ABCA12: variants seen among roughly 807,000 people sequenced by gnomAD.
The protein encoded by ABCA12 is glucosylceramide transporter ABCA12.
ABCA12 carries 156 observed loss-of-function variants against 293.5 expected under a neutral mutation model. The observed-to-expected ratio is 0.53, with a 90% CI of 0.47 to 0.61. The LOEUF (loss-of-function observed/expected upper bound fraction) is 0.61. ABCA12 is among the 20% of genes least tolerant of loss of function. ABCA12 has a pLI of 0.00. For missense variants in ABCA12, 2,797 were observed against 3,090.2 expected (o/e 0.91, Z 2.25); for synonymous variants, 1,063 against 1,108.0 (o/e 0.96, Z 0.81).
At chr2:214,965,153 G>A (rs1699222849) in intron 39 of ABCA12, among the ~76,000 whole-genome samples, 1 of 152,098 alleles carries the variant, frequency 6.6e-6, no homozygotes, top group Non-Finnish European at 1.5e-5. Flanking sequence ...AATAAATGAT[G>A]CTGGGAGAAC....
chr2:215,037,951 T>C (rs1247974651), intron 7 of ABCA12, among the ~76,000 whole-genome samples: 2 of 152,192 alleles, frequency 1.3e-5, no homozygotes, highest in Admixed American at 6.5e-5. Flanking sequence ...TAGCTAATAG[T>C]AATTTTTCCC....
At chr2:214,959,135 T>C in intron 39 of ABCA12, 57 bp from the exon 40 acceptor site, 2 of 1,356,990 alleles carry the variant, frequency 1.5e-6, no homozygotes, top group Non-Finnish European at 2.1e-6. Context: ...GAAATACCAA[T>C]TTTTAGATGA....
intron 32 of ABCA12, 31 bp downstream of exon 32, chr2:214,978,773 T>C: frequency 6.2e-7 from 1 of 1,603,248 alleles, no homozygotes; most frequent in Non-Finnish European, 8.5e-7. Flanking sequence ...TTATATCAGC[T>C]TGAAGAAAAA....
At chr2:214,999,793 T>G (rs758340970) in intron 22 of ABCA12, 2 of 984,666 alleles carry the variant, frequency 2.0e-6, no homozygotes, top group Non-Finnish European at 2.4e-6. Context: ...CTTACCTGCT[T>G]CCTCATGCTA....
At chr2:214,968,670 A>G (rs983715064) in intron 38 of ABCA12, 50 bp downstream of exon 38, 1 of 1,545,550 alleles carries the variant, frequency 6.5e-7, no homozygotes, top group African/African-American at 1.4e-5. Flanking sequence ...AAACATATCA[A>G]TTTCACCTTC....
At chr2:215,057,797 C>T (rs1293304129) in intron 3 of ABCA12, among the ~76,000 whole-genome samples, 1 of 152,000 alleles carries the variant, frequency 6.6e-6, no homozygotes, top group Non-Finnish European at 1.5e-5. Context: ...TTTTAAATGG[C>T]TGTGGCCTGC....
At chr2:215,079,696 C>T (rs1050400302) in intron 2 of ABCA12, among the ~76,000 whole-genome samples, 1 of 134,040 alleles carries the variant, frequency 7.5e-6, no homozygotes, top group African/African-American at 2.5e-5. Context: ...TTCACAGATT[C>T]CCCCTGGGCA....
intron 2 of ABCA12, among the ~76,000 whole-genome samples, chr2:215,103,494 T>C (rs1204609056): frequency 1.3e-5 from 2 of 152,044 alleles, no homozygotes; most frequent in Admixed American, 6.5e-5. Flanking sequence ...GGTCTCGAAC[T>C]CCTGACCTCA....
chr2:215,019,450 T>C lies in ABCA12; in HGVS notation c.1545-2A>G. 1.2e-6 allele frequency: 2 copies of C among 1,613,788 alleles called. No homozygotes were observed. The highest frequency in any genetic ancestry group is 1.7e-6 in the Non-Finnish European group (2 of 1,179,672). ...ATTTGCAGTGCCTGTTCTAGAAACCTGGAACAAAACAGAAAAGAAGAAATT... is the reference window on the plus strand; with the variant it reads ...ATTTGCAGTGCCTGTTCTAGAAACCCGGAACAAAACAGAAAAGAAGAAATT... On this transcript the variant is annotated splice_acceptor_variant, in intron 12 of 52. Coordinates refer to ENST00000272895, the MANE Select transcript of ABCA12 (RefSeq NM_173076.3). LOFTEE classifies it high-confidence loss of function.
At chr2:214,978,029 G>A (rs917966239) in intron 33 of ABCA12, among the ~76,000 whole-genome samples, 3 of 152,048 alleles carry the variant, frequency 2.0e-5, no homozygotes, top group African/African-American at 4.8e-5. Context: ...AACTGAAATT[G>A]TAGAAGTTAC....
At chr2:214,933,839 A>ATAAC (rs1372489769) in intron 52 of ABCA12, among the ~76,000 whole-genome samples, 1 of 152,192 alleles carries the variant, frequency 6.6e-6, no homozygotes, top group Non-Finnish European at 1.5e-5. Flanking sequence ...ATGTATACAT[A>ATAAC]TAACTTTATG....
Position 214,953,780 on chromosome 2 carries a change from T to G in ABCA12, c.6647+74A>C, listed in dbSNP as rs1334880487. The stretch of plus-strand genomic sequence containing the variant: ...ATATTACCAATGGAAAAGCTTAGAC[T>G]ATTGACTTCTTTCTCAATAGGTTGA... On this transcript the variant is annotated intron_variant, in intron 44 of 52. Transcript: ENST00000272895. 4 of 1,562,226 alleles carry G rather than the reference T, an allele frequency of 2.6e-6. No individual in the cohort carries two copies. In the African/African-American group the frequency reaches 4.1e-5, roughly 16 times the overall value.
At chr2:214,948,932 C>A in intron 46 of ABCA12, 108 bp downstream of exon 46, 2 of 1,190,682 alleles carry the variant, frequency 1.7e-6, no homozygotes, top group South Asian at 1.3e-5. Flanking sequence ...TTGTTCTCCC[C>A]TAAGGACTGA....
intron 39 of ABCA12, 118 bp from the exon 40 acceptor site, chr2:214,959,196 G>T: frequency 2.2e-6 from 2 of 916,944 alleles, no homozygotes; most frequent in African/African-American, 1.7e-5. Context: ...AATTTTATTT[G>T]GGGGACCTTT....
Position 214,983,825 on chromosome 2 carries a change from T to C in ABCA12, c.4204A>G (p.Ile1402Val). 1.2e-6 allele frequency: 2 copies of C among 1,614,096 alleles called. No individual in the cohort carries two copies. Among genetic ancestry groups the C allele is most frequent in the Non-Finnish European group, 1.7e-6 (2 of 1,180,006 alleles). The change falls in exon 29 of 53, where the codon ATT (isoleucine) becomes GTT (valine). Residue 1402 changes from isoleucine to valine, a missense_variant. Around this residue, in one of 3 missense-constraint regions of ABCA12, gnomAD observed 2,130 missense variants for 2,427.0 expected, o/e 0.88. Coordinates refer to ENST00000272895, the MANE Select transcript of ABCA12 (RefSeq NM_173076.3). ...TTGATATCTTTTCCATATACAAAAA[T>C]GGTGCCTGCTGAGGCCCCAAACAGC... Reference protein sequence around the residue: ...TGLFGASAGTIFVYGKDIKTD... With the variant: ...TGLFGASAGTVFVYGKDIKTD...
chr2:215,037,179 G>A (rs1701011980), intron 7 of ABCA12, 114 bp from the exon 8 acceptor site: 6 of 788,546 alleles, frequency 7.6e-6, no homozygotes, highest in Non-Finnish European at 1.3e-5. Context: ...TAATATAAAA[G>A]ACAAGATGCT....
Position 215,019,357 on chromosome 2 carries a change from C to T in ABCA12, c.1636G>A (p.Ala546Thr). ...IEAMLHVNNS[A>T]DASEKPGQLL... is the part of the protein sequence containing the mutation. ...ACACCTGGCTTTTCAGAAGCATCTG[C>T]ACTGTTATTGACATGCAGCATGGCT... Residue 546 changes from alanine (A) to threonine (T), a missense_variant, in exon 13 of 53, where the codon GCA (alanine) becomes ACA (threonine). Ala to Thr is a moderately conservative substitution (Grantham distance 58). This residue lies in a region of ABCA12 where 656 missense variants were observed against 638.2 expected (regional missense o/e 1.03). Coordinates refer to ENST00000272895, the MANE Select transcript of ABCA12 (RefSeq NM_173076.3). The T allele has an allele frequency of 6.2e-7, 1 of 1,612,174 alleles. No individual in the cohort carries two copies. Among genetic ancestry groups the T allele is most frequent in the Non-Finnish European group, 8.5e-7 (1 of 1,179,682 alleles).
In ABCA12 at chr2:214,983,681, A is replaced by G. The variant is rs1699720285; in HGVS notation, c.4348T>C (p.Trp1450Arg). 2 of 1,614,092 alleles carry G rather than the reference A, an allele frequency of 1.2e-6. No homozygotes were observed. Among genetic ancestry groups the G allele is most frequent in the East Asian group, 4.5e-5 (2 of 44,866 alleles). The change falls in exon 29 of 53, where the codon TGG (tryptophan) becomes CGG (arginine). Residue 1450 changes from tryptophan (W) to arginine (R), a missense_variant. By Grantham distance (101) the Trp-to-Arg change is moderately radical (BLOSUM62 -3). Transcript: ENST00000272895. ...TCCTCGTGGAGCTGCTTTTTAGTCCAGTGAGGAACTTTGATGGAACCATAT... is the reference window on the plus strand; with the variant it reads ...TCCTCGTGGAGCTGCTTTTTAGTCCGGTGAGGAACTTTGATGGAACCATAT... Reference protein sequence around the residue: ...LLYGSIKVPHWTKKQLHEEVK... With the variant: ...LLYGSIKVPHRTKKQLHEEVK...
At chr2:215,084,277 A>T (rs1344411920) in intron 2 of ABCA12, among the ~76,000 whole-genome samples, 1 of 152,092 alleles carries the variant, frequency 6.6e-6, no homozygotes, top group Non-Finnish European at 1.5e-5. Flanking sequence ...ATGCGCTACC[A>T]TCCCTGGCCA....
Sources: gnomAD v4.1 joint callset for allele counts (sites outside exome capture counted in the v4.1 genomes callset) on GRCh38, gnomAD v4.1.1 for gene constraint, gnomAD v4.1.1 regional missense constraint, MANE v1.5 for transcripts, NCBI Gene and HGNC (gene_info 2026-07-23, HGNC 2026-07-21) for gene names.